Variants in EPPK1 observed in about 807,000 individuals in gnomAD.
EPPK1 encodes the protein epiplakin 1.
For synonymous variants in EPPK1, 1,862 were observed against 1,721.2 expected, an observed-to-expected ratio of 1.08 and a Z score of -2.03; for missense variants, 3,823 against 3,673.3, an observed-to-expected ratio of 1.04 and a Z score of -1.05.
Position 143,868,017 on chromosome 8 carries a change from C to T in EPPK1, c.5237G>A (p.Cys1746Tyr). 1 of 1,613,718 alleles carries T rather than the reference C, an allele frequency of 6.2e-7. No individual in the cohort carries two copies. The highest frequency in any genetic ancestry group is 8.5e-7 in the Non-Finnish European group (1 of 1,180,018). The change falls in exon 2 of 2, where the codon TGT becomes TAT. Residue 1746 changes from cysteine (C) to tyrosine (Y), a missense_variant. Transcript: ENST00000615648. The part of the protein sequence containing the change: ...NLTYLQLLER[C>Y]VEDPETGLYL... ...CAGGCCCGTCTCGGGGTCCTCCACACAGCGCTCCAGAAGCTGCAGGTACGT... is the reference window on the plus strand; with the variant it reads ...CAGGCCCGTCTCGGGGTCCTCCACATAGCGCTCCAGAAGCTGCAGGTACGT...
chr8:143,871,072 C>T lies in EPPK1; in HGVS notation c.2182G>A (p.Gly728Ser), dbSNP rs1426560461. ...RLLEAQIATG[G>S]VIDPVHSHRV... ...TGGCTGTGCACGGGGTCGATGACGC[C>T]GCCCGTGGCGATCTGGGCCTCCAGC... Residue 728 changes from glycine to serine, a missense_variant, in exon 2 of 2, where the codon GGC becomes AGC. Physicochemically the swap from Gly to Ser is moderately conservative, Grantham distance 56 (BLOSUM62 0). Coordinates refer to ENST00000615648, the MANE Select transcript of EPPK1 (RefSeq NM_031308.4). 2.5e-5 allele frequency: 41 copies of T among 1,612,798 alleles called. No individual in the cohort carries two copies. The highest frequency in any genetic ancestry group is 3.2e-5 in the Non-Finnish European group (38 of 1,179,934).
chr8:143,858,143 G>C lies in EPPK1; in HGVS notation c.15111C>G (p.Asp5037Glu), dbSNP rs782403024. The C allele has an allele frequency of 6.2e-7, 1 of 1,613,084 alleles. No individual in the cohort carries two copies. The highest frequency in any genetic ancestry group is 1.3e-5 in the African/African-American group (1 of 74,930). ...VDVAYRRGYF[D>E]EEMNRVLADP... The stretch of plus-strand genomic sequence containing the variant: ...CGGCCAGGACGCGGTTCATCTCCTC[G>C]TCGAAGTAGCCGCGCCGGTAGGCCA... The change falls in exon 2 of 2, where the codon GAC becomes GAG. Residue 5037 changes from aspartate (D) to glutamate (E), a missense_variant. Physicochemically the swap from Asp to Glu is conservative, Grantham distance 45 (BLOSUM62 2). Transcript: ENST00000615648.
chr8:143,869,127 T>C lies in EPPK1; in HGVS notation c.4127A>G (p.Gln1376Arg), dbSNP rs782660781. ...AAGGCCGAGTCTGCAGGCTGCCGCCTGGGGCAGGTGCACCCCGTGGACAGG... is the reference window on the plus strand; with the variant it reads ...AAGGCCGAGTCTGCAGGCTGCCGCCCGGGGCAGGTGCACCCCGTGGACAGG... ...VDPVHGVHLP[Q>R]AAACRLGLLD... Residue 1376 changes from glutamine to arginine, a missense_variant, in exon 2 of 2, where the codon CAG (glutamine) becomes CGG (arginine). Transcript: ENST00000615648. 3 of 1,606,066 alleles carry C rather than the reference T, an allele frequency of 1.9e-6. No individual in the cohort carries two copies. The highest frequency in any genetic ancestry group is 2.5e-6 in the Non-Finnish European group (3 of 1,179,594).
At chr8:143,873,585 C>T (rs879977371) in intron 1 of EPPK1, among the ~76,000 whole-genome samples, 4 of 152,072 alleles carry the variant, frequency 2.6e-5, no homozygotes, top group Admixed American at 2.6e-4. Context: ...TCCACCTCCA[C>T]CCCAGGCCAA....
In EPPK1 at chr8:143,867,164, G is replaced by A. The variant is rs782411839; in HGVS notation, c.6090C>T (p.Ala2030=). Residue 2030 remains alanine, a synonymous_variant, in exon 2 of 2, where the codon GCC becomes GCT. Transcript: ENST00000615648. ...QHHHRLPLET[A]YRRGCLHKDI... Reference sequence around the variant, plus strand: ...CCTTGTGCAGACAGCCCCGTCTGTAGGCTGTTTCCAGTGGGAGCCGGTGGT... The same window carrying A: ...CCTTGTGCAGACAGCCCCGTCTGTAAGCTGTTTCCAGTGGGAGCCGGTGGT... 1 of 1,612,846 alleles carries A rather than the reference G, an allele frequency of 6.2e-7. No individual in the cohort carries two copies. The highest frequency in any genetic ancestry group is 2.2e-5 in the East Asian group (1 of 44,878).
rs782567729 is a variant in EPPK1, at chr8:143,869,360, C to G, written c.3894G>C (p.Leu1298=). The part of the protein sequence containing the change: ...FLVDPLNNQR[L]SVEDAVKVGL... ...CGACCTTAACCGCGTCCTCCACTGA[C>G]AGTCTCTGGTTGTTCAGGGGGTCAA... Residue 1298 remains leucine, a synonymous_variant, in exon 2 of 2, where the codon CTG becomes CTC. Coordinates refer to ENST00000615648, the MANE Select transcript of EPPK1 (RefSeq NM_031308.4). 1 of 1,610,950 alleles carries G rather than the reference C, an allele frequency of 6.2e-7. No homozygotes were observed.
chr8:143,866,683 T>C lies in EPPK1; in HGVS notation c.6571A>G (p.Ile2191Val). Residue 2191 changes from isoleucine to valine, a missense_variant, in exon 2 of 2, where the codon ATA becomes GTA. By Grantham distance (29) the Ile-to-Val change is conservative. Coordinates refer to ENST00000615648, the MANE Select transcript of EPPK1 (RefSeq NM_031308.4). Reference protein sequence around the residue: ...ITASELLSSAIITEEMLQDLE... With the variant: ...ITASELLSSAVITEEMLQDLE... Reference sequence around the variant, plus strand: ...TCCTGGAGCATTTCCTCCGTGATTATGGCTGAGCTGAGGAGTTCAGAAGCT... The same window carrying C: ...TCCTGGAGCATTTCCTCCGTGATTACGGCTGAGCTGAGGAGTTCAGAAGCT... 6.2e-6 allele frequency: 10 copies of C among 1,613,278 alleles called. No homozygotes were observed. The highest frequency in any genetic ancestry group is 8.5e-6 in the Non-Finnish European group (10 of 1,179,880).
At position 143,869,795 on chromosome 8, in the gene EPPK1, G is replaced by C; in HGVS notation, c.3459C>G (p.Phe1153Leu). The change falls in exon 2 of 2, where the codon TTC becomes TTG. Residue 1153 changes from phenylalanine (F) to leucine (L), a missense_variant. Physicochemically the swap from Phe to Leu is conservative, Grantham distance 22. Transcript: ENST00000615648. ...SLWDLLSSCHFTEEQRRGLLE... is the reference protein window; with the variant it reads ...SLWDLLSSCHLTEEQRRGLLE... Reference sequence around the variant, plus strand: ...GCAGGCCCCTCCGTTGCTCCTCGGTGAAGTGGCAGGAGCTGAGCAGGTCCC... The same window carrying C: ...GCAGGCCCCTCCGTTGCTCCTCGGTCAAGTGGCAGGAGCTGAGCAGGTCCC... The C allele has an allele frequency of 6.2e-7, 1 of 1,602,978 alleles. No individual in the cohort carries two copies. The highest frequency in any genetic ancestry group is 1.1e-5 in the South Asian group (1 of 89,202).
At position 143,868,868 on chromosome 8, in the gene EPPK1, A is replaced by T; in HGVS notation, c.4386T>A (p.Phe1462Leu). Residue 1462 changes from phenylalanine to leucine, a missense_variant, in exon 2 of 2, where the codon TTT becomes TTA. Transcript: ENST00000615648. ...AMKVPVSTGR[F>L]KGCSVSLWDL... ...CCCAGAGTGACACGCTACACCCCTT[A>T]AACCTCCCTGTGCTGACGGGCACCT... is the stretch of plus-strand genomic sequence containing the variant. 2 of 1,610,142 alleles carry T rather than the reference A, an allele frequency of 1.2e-6. No individual in the cohort carries two copies. Among genetic ancestry groups the T allele is most frequent in the Non-Finnish European group, 1.7e-6 (2 of 1,179,812 alleles).
chr8:143,875,946 AC>A (rs1819469286), intron 1 of EPPK1, among the ~76,000 whole-genome samples: 2 of 141,494 alleles, frequency 1.4e-5, no homozygotes, highest in South Asian at 2.2e-4. Flanking sequence ...AGTGGCCCCC[AC>A]CCCCCACCCC....
At position 143,868,396 on chromosome 8, in the gene EPPK1, T is replaced by A; in HGVS notation, c.4858A>T (p.Asn1620Tyr). The A allele has an allele frequency of 6.2e-7, 1 of 1,612,634 alleles. No homozygotes were observed. Among genetic ancestry groups the A allele is most frequent in the Non-Finnish European group, 8.5e-7 (1 of 1,179,834 alleles). The change falls in exon 2 of 2, where the codon AAC becomes TAC. Residue 1620 changes from asparagine to tyrosine, a missense_variant. Asn to Tyr is a moderately radical substitution (Grantham distance 143). Transcript: ENST00000615648. ...ATGFIIDPVE[N>Y]RKLTVEEAFK... The stretch of plus-strand genomic sequence containing the variant: ...GCCTCCTCCACGGTCAGCTTCCGGT[T>A]CTCCACGGGGTCGATGATGAAGCCG...
chr8:143,878,038 C>T (rs1819514421), intron 1 of EPPK1, among the ~76,000 whole-genome samples: 1 of 152,128 alleles, frequency 6.6e-6, no homozygotes, highest in Non-Finnish European at 1.5e-5. Flanking sequence ...TAGCTGCCTC[C>T]TGGCCTGGGC....
Position 143,867,741 on chromosome 8 carries a change from G to A in EPPK1, c.5513C>T (p.Thr1838Ile). 1.9e-6 allele frequency: 3 copies of A among 1,613,712 alleles called. No homozygotes were observed. The highest frequency in any genetic ancestry group is 2.5e-6 in the Non-Finnish European group (3 of 1,179,866). The change falls in exon 2 of 2, where the codon ACA becomes ATA. Residue 1838 changes from threonine (T) to isoleucine (I), a missense_variant. Thr to Ile is a moderately conservative substitution (Grantham distance 89). Transcript: ENST00000615648. ...LEIITTTIEETETQNQGIKVA... is the reference protein window; with the variant it reads ...LEIITTTIEEIETQNQGIKVA... ...TTTGATGCCTTGGTTTTGCGTCTCT[G>A]TTTCTTCAATTGTCGTGGTGATGAT...
chr8:143,866,768 G>A lies in EPPK1; in HGVS notation c.6486C>T (p.Ile2162=), dbSNP rs200931316. 1.4e-5 allele frequency: 23 copies of A among 1,613,454 alleles called. No homozygotes were observed. The highest frequency in any genetic ancestry group is 3.3e-4 in the Middle Eastern group (2 of 6,062). Residue 2162 remains isoleucine (I), a synonymous_variant, in exon 2 of 2, where the codon ATC becomes ATT. Coordinates refer to ENST00000615648, the MANE Select transcript of EPPK1 (RefSeq NM_031308.4). ...GTTTGTTGCTGGTTTCCTGCTTCTC[G>A]ATCAACTCTAAGATGAGCTGCGCTA... The part of the protein sequence containing the change: ...QTVAQLILEL[I]EKQETSNKHL...
rs1355045278 is a variant in EPPK1 at position 143,870,180 on chromosome 8, G to C, written c.3074C>G (p.Ala1025Gly). 6.2e-7 allele frequency: 1 copy of C among 1,611,548 alleles called. No homozygotes were observed. Among genetic ancestry groups the C allele is most frequent in the East Asian group, 2.2e-5 (1 of 44,838 alleles). ...FSGKQVSVFQ[A>G]MKKGLIPWEQ... ...CCAAGGGATGAGACCTTTCTTCATGGCCTGGAACACAGACACCTGCTTCCC... is the reference window on the plus strand; with the variant it reads ...CCAAGGGATGAGACCTTTCTTCATGCCCTGGAACACAGACACCTGCTTCCC... Residue 1025 changes from alanine to glycine, a missense_variant, in exon 2 of 2, where the codon GCC becomes GGC. Ala to Gly is a moderately conservative substitution (Grantham distance 60). Coordinates refer to ENST00000615648, the MANE Select transcript of EPPK1 (RefSeq NM_031308.4). The surrounding 1 kb of genome is among the most constrained non-coding windows in gnomAD (Gnocchi z 5.2).
Position 143,872,458 on chromosome 8 carries a change from G to A in EPPK1, c.796C>T (p.Leu266=). 6.3e-7 allele frequency: 1 copy of A among 1,594,520 alleles called. No individual in the cohort carries two copies. Among genetic ancestry groups the A allele is most frequent in the Non-Finnish European group, 8.5e-7 (1 of 1,176,224 alleles). ...CGTGCACTCACGTCCACTGCGGCCA[G>A]CCTGCCCTCCCGCAGACCCTGCACA... ...QAVQGLREGR[L]AAVDVSARAE... The change falls in exon 2 of 2, where the codon CTG becomes TTG. Residue 266 remains leucine, a synonymous_variant. Transcript: ENST00000615648.
In EPPK1 at chr8:143,872,763, G is replaced by A. The variant is rs1554661697; in HGVS notation, c.491C>T (p.Ala164Val). 1 of 1,586,420 alleles carries A rather than the reference G, an allele frequency of 6.3e-7. No homozygotes were observed. The highest frequency in any genetic ancestry group is 2.3e-5 in the East Asian group (1 of 44,428). ...QLATGGLVDP[A>V]QGVLVAPEPA... is the part of the protein sequence containing the mutation. The stretch of plus-strand genomic sequence containing the variant: ...CTCAGGGGCCACGAGCACTCCCTGG[G>A]CGGGGTCCACCAGGCCCCCAGTGGC... The change falls in exon 2 of 2, where the codon GCC (alanine) becomes GTC (valine). Residue 164 changes from alanine to valine, a missense_variant. Transcript: ENST00000615648.
In EPPK1 at chr8:143,872,596, G is replaced by GCACA; in HGVS notation, c.654_657dup (p.Arg220CysfsTer28). ...AAGGCTAGCCCCGAGCCGGGGGCAC[G>GCACA]CACACACCTTTCCAGCAGCTGGTGG... On this transcript the variant is annotated frameshift_variant, in exon 2 of 2. Transcript: ENST00000615648. LOFTEE classifies it low-confidence loss of function (END_TRUNC). 1.9e-6 allele frequency: 3 copies of GCACA among 1,610,062 alleles called. No homozygotes were observed. The highest frequency in any genetic ancestry group is 2.5e-6 in the Non-Finnish European group (3 of 1,179,478).
rs781970978 is a variant in EPPK1 at position 143,870,938 on chromosome 8, CGT to C, written c.2314_2315del (p.Thr772AlafsTer16). ...GCTGCAGGTACGTGAGGTTCTCGTG[CGT>C]GTTGGGGTCGAAGAAGCCCTTGGTG... ...DDTKGFFDPN[T>X]HENLTYLQLL... On this transcript the variant is annotated frameshift_variant, in exon 2 of 2. Transcript: ENST00000615648. LOFTEE classifies it low-confidence loss of function (END_TRUNC). The surrounding 1 kb of genome is among the most constrained non-coding windows in gnomAD (Gnocchi z 5.2). 25 of 1,613,352 alleles carry C rather than the reference CGT, an allele frequency of 1.5e-5. No homozygotes were observed. The Admixed American group carries it at 4.2e-4, about 27-fold the overall frequency.
Sources: allele counts gnomAD v4.1 joint callset (sites outside exome capture counted in the v4.1 genomes callset), GRCh38; gene constraint gnomAD v4.1.1; non-coding constraint Gnocchi (gnomAD v3.1); transcripts MANE v1.5; gene names NCBI Gene and HGNC (gene_info 2026-07-23, HGNC 2026-07-21).